Variants in ZGLP1 observed in about 807,000 individuals in gnomAD.
ZGLP1 encodes GATA-type zinc finger protein 1.
In ZGLP1, 11 loss-of-function variants were observed where a neutral mutation model predicts 21.4. The ratio of observed to expected loss-of-function variants is 0.51; its 90% CI spans 0.32 to 0.85. ZGLP1 has a LOEUF of 0.85. ZGLP1 is among the 40% of genes least tolerant of loss of function. The probability of loss-of-function intolerance (pLI) is 0.03; values close to 1 mark genes in which losing one functional copy is unlikely to be tolerated. For missense variants in ZGLP1, 295 were observed against 355.6 expected (o/e 0.83, Z 1.37); for synonymous variants, 148 against 145.0 (o/e 1.02, Z -0.15).
chr19:10,309,216 G>T (rs2040298285), exon 1 of ZGLP1: 1 of 152,586 alleles, frequency 6.6e-6, no homozygotes, highest in African/African-American at 2.4e-5. Context: ...GAACCTCTTT[G>T]TAAGTTTCAG....
At position 10,305,627 on chromosome 19, in the gene ZGLP1, C is replaced by A; in HGVS notation, c.605-144G>T. 1.3e-6 allele frequency: 1 copy of A among 796,630 alleles called. No individual in the cohort carries two copies. The highest frequency in any genetic ancestry group is 2.2e-5 in the Admixed American group (1 of 44,840). The allele number at this position is 796,630 out of a possible 1,614,324, so 49.3% of individuals were successfully genotyped here. A position where few individuals can be genotyped will look rare whatever the true frequency, so the allele number is the denominator to read the frequency against. ...AGCCCTGGGAGTTGCCAGCTCTAAG[C>A]CACAGCAAAGCCAGGAAGGGAGACA... On this transcript the variant is annotated intron_variant, in intron 2 of 3. Transcript: ENST00000403903. The surrounding 1 kb of genome is among the most constrained non-coding windows in gnomAD (Gnocchi z 4.7).
intron 1 of ZGLP1, among the ~76,000 whole-genome samples, chr19:10,307,272 A>G (rs1421728317): frequency 1.3e-5 from 2 of 151,702 alleles, no homozygotes; most frequent in Admixed American, 6.6e-5. Flanking sequence ...TCCTGGGCTC[A>G]TGCAATCCTC....
In ZGLP1 at chr19:10,308,730, C is replaced by T. The variant is rs758351792; in HGVS notation, c.-49G>A. The T allele has an allele frequency of 6.3e-6, 9 of 1,425,850 alleles. 1 individual carries two copies. The Admixed American group carries it at 2.0e-4, about 31-fold the overall frequency. The allele number at this position is 1,425,850 out of a possible 1,614,324, so 88.3% of individuals were successfully genotyped here. On this transcript the variant is annotated 5_prime_UTR_variant, in exon 1 of 4. Coordinates refer to ENST00000403903, the Ensembl canonical transcript of ZGLP1. ...AAGAGTTGCAGTAATTGCAACTCAC[C>T]TCGCCCACTGTGGGCCTCCCAGGCA...
chr19:10,308,232 C>A, exon 1 of ZGLP1: 1 of 1,573,368 alleles, frequency 6.4e-7, no homozygotes, highest in South Asian at 1.1e-5. Context: ...TTATCTGAAA[C>A]TTCAGAGTCA....
At position 10,308,181 on chromosome 19, in the gene ZGLP1, C is replaced by G. The variant is rs750603178; in HGVS notation, c.497+4G>C. On this transcript the variant is annotated splice_donor_region_variant and intron_variant, in intron 1 of 3. Coordinates refer to ENST00000403903, the Ensembl canonical transcript of ZGLP1. ...AGGGCGGCCTGGCCCCAGCCGGCCC[C>G]TACCTGTACGTGGGGATGATCTGCA... The G allele has an allele frequency of 6.6e-7, 1 of 1,525,330 alleles. No individual in the cohort carries two copies. The highest frequency in any genetic ancestry group is 8.8e-7 in the Non-Finnish European group (1 of 1,137,538). 94.5% of individuals were successfully genotyped at this position (1,525,330 alleles called of 1,614,324 possible).
chr19:10,308,344 A>G (rs778705118), exon 1 of ZGLP1: 5 of 1,609,078 alleles, frequency 3.1e-6, no homozygotes, highest in East Asian at 4.5e-5. Context: ...CGGGGGCTGC[A>G]GACGGCGGCC....
In ZGLP1 at chr19:10,305,481, G is replaced by C; in HGVS notation, c.607C>G (p.Pro203Ala). 1.3e-6 allele frequency: 2 copies of C among 1,592,582 alleles called. No individual in the cohort carries two copies. The highest frequency in any genetic ancestry group is 1.7e-6 in the Non-Finnish European group (2 of 1,169,716). Residue 203 changes from proline (P) to alanine (A), a missense_variant and splice_region_variant, in exon 3 of 4, where the codon CCC becomes GCC. Physicochemically the swap from Pro to Ala is conservative, Grantham distance 27. Transcript: ENST00000403903. This position sits in a 1 kb window ranked among gnomAD's most constrained non-coding sequence, Gnocchi z 4.7. Reference sequence around the variant, plus strand: ...GTCCGACAGGAAGCACAGCGCCGGGGCTCTGAAGGGTCAGAGGTCAAAGGG... The same window carrying C: ...GTCCGACAGGAAGCACAGCGCCGGGCCTCTGAAGGGTCAGAGGTCAAAGGG...
exon 4 of ZGLP1, chr19:10,304,871 G>C: frequency 1.7e-6 from 1 of 579,944 alleles, no homozygotes; most frequent in Non-Finnish European, 3.1e-6. Context: ...AGCGTCTCCT[G>C]AGGGGGCCTC....
exon 1 of ZGLP1, chr19:10,308,407 C>T (rs752464773): frequency 1.9e-6 from 3 of 1,608,440 alleles, no homozygotes; most frequent in Non-Finnish European, 2.5e-6. Flanking sequence ...CAGCAGCAGG[C>T]GGCCCTGAGT....
chr19:10,307,289 T>A (rs2040284815), intron 1 of ZGLP1, among the ~76,000 whole-genome samples: 1 of 151,592 alleles, frequency 6.6e-6, no homozygotes. Flanking sequence ...CCTCCCACCT[T>A]GGCCTCCCAA....
exon 4 of ZGLP1, chr19:10,304,979 G>C (rs2040271001): frequency 1.2e-6 from 1 of 815,290 alleles, no homozygotes; most frequent in Non-Finnish European, 2.0e-6. Flanking sequence ...GGAGATGGCA[G>C]AGAGGAGGCA....
Position 10,305,762 on chromosome 19 carries a change from A to T in ZGLP1, c.604+84T>A. ...GGCTCTAAATGGGGAAGCAAGATGG[A>T]GAAGGGGGGGGCAGGGAGAAAGGCA... On this transcript the variant is annotated intron_variant, in intron 2 of 3. Transcript: ENST00000403903. This position sits in a 1 kb window ranked among gnomAD's most constrained non-coding sequence, Gnocchi z 4.7. 1 of 1,137,528 alleles carries T rather than the reference A, an allele frequency of 8.8e-7. No homozygotes were observed. The allele number at this position is 1,137,528 out of a possible 1,614,324, so 70.5% of individuals were successfully genotyped here. A position where few individuals can be genotyped will look rare whatever the true frequency, so the allele number is the denominator to read the frequency against.
exon 1 of ZGLP1, chr19:10,308,281 C>T (rs1289921324): frequency 6.2e-7 from 1 of 1,607,886 alleles, no homozygotes; most frequent in African/African-American, 1.3e-5. Context: ...GGTGCCCCGG[C>T]AGGGGTTCAG....
In ZGLP1 at chr19:10,305,263, C is replaced by CACTGCTTCCTTGTGGCAGTGGGG; in HGVS notation, c.699-56_699-55insCCCCACTGCCACAAGGAAGCAGT. ...TAGGATGCAGTGGGGGCCCGGAAAC[C>CACTGCTTCCTTGTGGCAGTGGGG]GCCACAAGGAAACCACTTTTCCCAA... On this transcript the variant is annotated intron_variant, in intron 3 of 3. Coordinates refer to ENST00000403903, the Ensembl canonical transcript of ZGLP1. The surrounding 1 kb of genome is among the most constrained non-coding windows in gnomAD (Gnocchi z 4.7). 1 of 1,589,010 alleles carries CACTGCTTCCTTGTGGCAGTGGGG rather than the reference C, an allele frequency of 6.3e-7. No homozygotes were observed. Among genetic ancestry groups the CACTGCTTCCTTGTGGCAGTGGGG allele is most frequent in the African/African-American group, 1.3e-5 (1 of 74,414 alleles).
chr19:10,306,403 G>A (rs1007666401), intron 1 of ZGLP1, among the ~76,000 whole-genome samples: 2 of 151,814 alleles, frequency 1.3e-5, no homozygotes, highest in African/African-American at 4.8e-5. Flanking sequence ...ATGAGCTACC[G>A]TGCCCGACCT....
rs755003522 is a variant in ZGLP1 at position 10,305,147 on chromosome 19, G to C, written c.760C>G (p.Pro254Ala). Residue 254 changes from proline (P) to alanine (A), a missense_variant, in exon 4 of 4, where the codon CCC (proline) becomes GCC (alanine). Pro to Ala is a conservative substitution (Grantham distance 27). Around this residue, in one of 2 missense-constraint regions of ZGLP1, gnomAD observed 43 missense variants for 91.7 expected, o/e 0.47. Transcript: ENST00000403903. The surrounding 1 kb of genome is among the most constrained non-coding windows in gnomAD (Gnocchi z 4.7). ...CCACATCTGCCACATAGCCTCTTGG[G>C]CTGGACATTTTTCCTGGGCACCAGC... The C allele has an allele frequency of 2.5e-6, 4 of 1,614,004 alleles. No homozygotes were observed. The East Asian group carries it at 8.9e-5, about 36-fold the overall frequency.
chr19:10,308,664 C>A, exon 1 of ZGLP1: 2 of 1,497,034 alleles, frequency 1.3e-6, no homozygotes, highest in South Asian at 1.4e-5. Context: ...CTACACACCC[C>A]ACCTGAGGTT....
At chr19:10,308,147 C>T (rs960969050) in intron 1 of ZGLP1, 38 bp downstream of exon 2, 5 of 1,510,032 alleles carry the variant, frequency 3.3e-6, no homozygotes, top group Non-Finnish European at 4.4e-6. Flanking sequence ...TGCGTTGTAA[C>T]TGGGAGAAAG....
chr19:10,308,743 G>A, exon 1 of ZGLP1: 1 of 1,395,852 alleles, frequency 7.2e-7, no homozygotes, highest in Non-Finnish European at 9.3e-7. Context: ...GCCCACTGTG[G>A]GCCTCCCAGG....
Sources: gnomAD v4.1 joint callset for allele counts (sites outside exome capture counted in the v4.1 genomes callset) on GRCh38, gnomAD v4.1.1 for gene constraint, gnomAD v4.1.1 regional missense constraint, Gnocchi (gnomAD v3.1) non-coding constraint, MANE v1.5 for transcripts, NCBI Gene and HGNC (gene_info 2026-07-23, HGNC 2026-07-21) for gene names.